The following CNTN4 variants were observed in gnomAD, a reference collection of about 807,000 sequenced individuals.
CNTN4 encodes the protein contactin 4.
Under a neutral mutation model 122.5 loss-of-function variants are expected in CNTN4, and 77 were observed. The observed-to-expected ratio is 0.63, with a 90% CI of 0.52 to 0.76. CNTN4 has a LOEUF of 0.76. Ranked by LOEUF, CNTN4 falls within the 30% of genes least tolerant of loss-of-function variation. The pLI is 0.00. For missense variants in CNTN4, 1,256 were observed against 1,259.1 expected (o/e 1.00, Z 0.04); for synonymous variants, 512 against 447.0 (o/e 1.15, Z -1.83).
intron 2 of CNTN4, among the ~76,000 whole-genome samples, chr3:2,209,346 C>G (rs890647586): frequency 7.2e-5 from 11 of 152,134 alleles, no homozygotes; most frequent in Non-Finnish European, 1.3e-4. Context: ...TTGGTTACAT[C>G]TAACTGCTAA....
chr3:2,238,137 T>C (rs1005939201), intron 2 of CNTN4, among the ~76,000 whole-genome samples: 1 of 152,100 alleles, frequency 6.6e-6, no homozygotes, highest in African/African-American at 2.4e-5. Flanking sequence ...CTATGAACAA[T>C]TGAATTTGAG....
chr3:2,818,764 C>G (rs953213300), intron 6 of CNTN4, among the ~76,000 whole-genome samples: 1 of 152,142 alleles, frequency 6.6e-6, no homozygotes, highest in Non-Finnish European at 1.5e-5. Context: ...CAGACTTGAC[C>G]TTTTTGAGGT....
intron 4 of CNTN4, among the ~76,000 whole-genome samples, chr3:2,657,699 T>C (rs1049588837): frequency 6.6e-6 from 1 of 152,094 alleles, no homozygotes; most frequent in African/African-American, 2.4e-5. Flanking sequence ...TATGGCTCTG[T>C]GGTTTGGGTA....
At chr3:2,839,181 T>G (rs2093297601) in intron 7 of CNTN4, among the ~76,000 whole-genome samples, 1 of 152,242 alleles carries the variant, frequency 6.6e-6, no homozygotes. Flanking sequence ...AAAACGTTAT[T>G]TTTTCCAAAT....
intron 3 of CNTN4, among the ~76,000 whole-genome samples, chr3:2,373,237 A>T (rs960584329): frequency 2.6e-5 from 4 of 152,194 alleles, no homozygotes; most frequent in African/African-American, 9.7e-5. Context: ...AAAATCTGTG[A>T]GGTAGGCCCC....
intron 2 of CNTN4, among the ~76,000 whole-genome samples, chr3:2,188,629 A>G (rs1028468305): frequency 1.2e-4 from 18 of 152,280 alleles, no homozygotes; most frequent in African/African-American, 4.1e-4. Flanking sequence ...TATAGGCATT[A>G]ATCTGAGGGA....
intron 2 of CNTN4, among the ~76,000 whole-genome samples, chr3:2,242,914 A>G (rs1043265562): frequency 6.6e-6 from 1 of 152,142 alleles, no homozygotes; most frequent in Admixed American, 6.5e-5. Context: ...TAGATATTCC[A>G]AAGTATGGCA....
At chr3:2,115,423 G>T (rs989098807) in intron 2 of CNTN4, among the ~76,000 whole-genome samples, 2 of 152,168 alleles carry the variant, frequency 1.3e-5, no homozygotes, top group Non-Finnish European at 1.5e-5. Context: ...TGGAACCAAG[G>T]AACTATAAAG....
intron 3 of CNTN4, among the ~76,000 whole-genome samples, chr3:2,437,916 A>G (rs958685773): frequency 2.0e-5 from 3 of 152,178 alleles, no homozygotes; most frequent in Admixed American, 6.5e-5. Flanking sequence ...ATAAATCAGC[A>G]TTCAATGGGG....
At chr3:2,610,268 C>T (rs982871945) in intron 4 of CNTN4, among the ~76,000 whole-genome samples, 5 of 152,158 alleles carry the variant, frequency 3.3e-5, no homozygotes, top group Non-Finnish European at 5.9e-5. Context: ...TAAGAAAAAA[C>T]TCAAAATGTG....
chr3:2,224,980 C>T (rs1559357520), intron 2 of CNTN4, among the ~76,000 whole-genome samples: 1 of 150,964 alleles, frequency 6.6e-6, no homozygotes, highest in Non-Finnish European at 1.5e-5. Context: ...GAAACCCCGT[C>T]TCTACTAAAA....
At chr3:2,981,024 C>T (rs1693913108) in intron 13 of CNTN4, among the ~76,000 whole-genome samples, 1 of 152,186 alleles carries the variant, frequency 6.6e-6, no homozygotes, top group South Asian at 2.1e-4. Flanking sequence ...GTAGTCTTTT[C>T]CTATTGGCAC....
chr3:2,448,454 C>T (rs1212832217), intron 3 of CNTN4, among the ~76,000 whole-genome samples: 1 of 152,178 alleles, frequency 6.6e-6, no homozygotes, highest in East Asian at 1.9e-4. Context: ...GATTGGGCTT[C>T]TCAAATGCAA....
At chr3:2,863,920 C>T (rs1404117556) in intron 7 of CNTN4, among the ~76,000 whole-genome samples, 1 of 152,150 alleles carries the variant, frequency 6.6e-6, no homozygotes, top group Admixed American at 6.5e-5. Flanking sequence ...TCATCAAAGA[C>T]CACTGTTTAG....
intron 23 of CNTN4, among the ~76,000 whole-genome samples, chr3:3,045,564 G>C (rs1700562668): frequency 6.6e-6 from 1 of 152,220 alleles, no homozygotes; most frequent in Non-Finnish European, 1.5e-5. Context: ...CTGCAGCTGA[G>C]GGTCCTGACT....
intron 4 of CNTN4, among the ~76,000 whole-genome samples, chr3:2,668,043 T>C (rs755149159): frequency 1.3e-5 from 2 of 152,204 alleles, no homozygotes; most frequent in Non-Finnish European, 1.5e-5. Context: ...CCAGCTTTGT[T>C]CTTTTGACTC....
intron 2 of CNTN4, among the ~76,000 whole-genome samples, chr3:2,241,233 A>G (rs1295098450): frequency 6.6e-6 from 1 of 152,210 alleles, no homozygotes; most frequent in Non-Finnish European, 1.5e-5. Context: ...GTGTACTACT[A>G]ATTAGAAAAG....
At chr3:2,570,701 C>T (rs1398961752) in intron 3 of CNTN4, among the ~76,000 whole-genome samples, 1 of 152,150 alleles carries the variant, frequency 6.6e-6, no homozygotes, top group Non-Finnish European at 1.5e-5. Context: ...CACTCAGTTA[C>T]TCACTTTGTA....
rs1322827135 is a variant in CNTN4 at position 3,034,737 on chromosome 3, A to G, written c.1889A>G (p.Tyr630Cys). 7 of 1,614,056 alleles carry G rather than the reference A, an allele frequency of 4.3e-6. No homozygotes were observed. The highest frequency in any genetic ancestry group is 5.9e-6 in the Non-Finnish European group (7 of 1,180,014). ...GPDNHSPITMYVIQARTPFSV... is the reference protein window; with the variant it reads ...GPDNHSPITMCVIQARTPFSV... Reference sequence around the variant, plus strand: ...GACAACCACAGCCCCATCACCATGTATGTCATTCAAGCCAGGACTCCATTC... The same window carrying G: ...GACAACCACAGCCCCATCACCATGTGTGTCATTCAAGCCAGGACTCCATTC... The change falls in exon 17 of 25, where the codon TAT (tyrosine) becomes TGT (cysteine). Residue 630 changes from tyrosine (Y) to cysteine (C), a missense_variant. Transcript: ENST00000418658.
Sources: gnomAD v4.1 joint callset for allele counts (sites outside exome capture counted in the v4.1 genomes callset) on GRCh38, gnomAD v4.1.1 for gene constraint, MANE v1.5 for transcripts, NCBI Gene and HGNC (gene_info 2026-07-23, HGNC 2026-07-21) for gene names.